Variants in DOCK3 observed in about 807,000 individuals in gnomAD.
DOCK3 encodes dedicator of cytokinesis 3.
Under a neutral mutation model 265.6 loss-of-function variants are expected in DOCK3, and 60 were observed. The observed-to-expected ratio is 0.23, with a 90% confidence interval of 0.18 to 0.28. DOCK3 has a LOEUF of 0.28. Among genes scored for constraint, DOCK3 ranks in the 10% least tolerant of loss-of-function variants. DOCK3 has a pLI of 1.00. For missense variants in DOCK3, 1,981 were observed against 2,594.3 expected, an observed-to-expected ratio of 0.76 and a Z score of 5.14; for synonymous variants, 881 against 938.0, an observed-to-expected ratio of 0.94 and a Z score of 1.11.
At chr3:50,877,328 C>T (rs2047751715) in intron 3 of DOCK3, 2 of 402,946 alleles carry the variant, frequency 5.0e-6, no homozygotes, top group Non-Finnish European at 9.9e-6. Flanking sequence ...TTTCTTGGCC[C>T]TCAGTTGAAC....
intron 1 of DOCK3, among the ~76,000 whole-genome samples, chr3:50,690,029 C>T (rs556349902): frequency 5.3e-5 from 8 of 151,814 alleles, no homozygotes; most frequent in African/African-American, 9.7e-5. Flanking sequence ...TGTCATGCTA[C>T]GAAACTGTTG....
chr3:51,296,654 T>A (rs1297815907), intron 27 of DOCK3, among the ~76,000 whole-genome samples: 1 of 151,960 alleles, frequency 6.6e-6, no homozygotes, highest in Non-Finnish European at 1.5e-5. Context: ...TTTTTTGTAT[T>A]TTTAGTAGAG....
intron 37 of DOCK3, among the ~76,000 whole-genome samples, chr3:51,340,039 C>G (rs2085136922): frequency 6.6e-6 from 1 of 152,166 alleles, no homozygotes; most frequent in Middle Eastern, 3.2e-3. Flanking sequence ...AATAAAATGA[C>G]TGGGCTGAGT....
intron 9 of DOCK3, among the ~76,000 whole-genome samples, chr3:51,135,707 T>A (rs192860073): frequency 8.5e-5 from 13 of 152,266 alleles, no homozygotes; most frequent in South Asian, 2.1e-4. Flanking sequence ...AGTACTCTTT[T>A]TTTTATTTTA....
intron 12 of DOCK3, among the ~76,000 whole-genome samples, chr3:51,199,131 G>A (rs1358665064): frequency 1.3e-5 from 2 of 152,204 alleles, no homozygotes; most frequent in Non-Finnish European, 2.9e-5. Flanking sequence ...GGTGATTTCT[G>A]CATTTCCATC....
chr3:51,026,034 T>C (rs901835690), intron 5 of DOCK3, among the ~76,000 whole-genome samples: 2 of 152,102 alleles, frequency 1.3e-5, no homozygotes, highest in African/African-American at 4.8e-5. Context: ...ATTAAGTTCC[T>C]GTGTTGGTTC....
intron 12 of DOCK3, among the ~76,000 whole-genome samples, chr3:51,197,334 G>A (rs1560193574): frequency 6.6e-6 from 1 of 152,168 alleles, no homozygotes; most frequent in Non-Finnish European, 1.5e-5. Flanking sequence ...TAGTGGCAGT[G>A]GTGGATTGCA....
At chr3:51,266,397 C>T (rs538927644) in intron 23 of DOCK3, among the ~76,000 whole-genome samples, 10 of 152,292 alleles carry the variant, frequency 6.6e-5, no homozygotes, top group African/African-American at 2.4e-4. Flanking sequence ...AGGAACAAAG[C>T]TGGAGGCATT....
chr3:51,187,832 G>A (rs4308313), intron 12 of DOCK3, among the ~76,000 whole-genome samples: 136,755 of 149,998 alleles, frequency 0.91, 62,489 homozygotes, highest in African/African-American at 0.96. Context: ...TGATTGTGAG[G>A]CCTCCCCAGC....
chr3:50,758,741 G>A (rs937925720), intron 1 of DOCK3, among the ~76,000 whole-genome samples: 2 of 152,002 alleles, frequency 1.3e-5, no homozygotes, highest in Non-Finnish European at 2.9e-5. Flanking sequence ...TGAGCACTCC[G>A]GGAACAATGT....
At chr3:51,070,284 A>C (rs2081803800) in intron 6 of DOCK3, among the ~76,000 whole-genome samples, 1 of 152,206 alleles carries the variant, frequency 6.6e-6, no homozygotes, top group Non-Finnish European at 1.5e-5. Flanking sequence ...AACAGTTATG[A>C]CTAAATTGAT....
In DOCK3 at chr3:50,864,161, A is replaced by G. The variant is rs562951924; in HGVS notation, c.162+22446A>G. ...TAATAGCTATTGTAACTAGGGTAAG[A>G]TGGATATCTCATTGTAGTTTTTATT... On this transcript the variant is annotated intron_variant, in intron 3 of 52. Coordinates refer to ENST00000266037, the MANE Select transcript of DOCK3 (RefSeq NM_004947.5). 8.4e-4 allele frequency among the ~76,000 whole-genome samples: 128 copies of G among 152,294 alleles called. 1 individual carries two copies. The highest frequency in any genetic ancestry group is 5.3e-4 in the African/African-American group (22 of 41,572).
intron 2 of DOCK3, among the ~76,000 whole-genome samples, chr3:50,819,179 T>A (rs1032718636): frequency 6.6e-6 from 1 of 152,212 alleles, no homozygotes; most frequent in Non-Finnish European, 1.5e-5. Context: ...CTTTGGCACC[T>A]GCATGTACTT....
At chr3:51,039,157 G>A (rs571955127) in intron 5 of DOCK3, among the ~76,000 whole-genome samples, 3 of 151,826 alleles carry the variant, frequency 2.0e-5, no homozygotes, top group African/African-American at 4.8e-5. Context: ...CACCACACCC[G>A]GCTAATTTTT....
At chr3:51,067,370 C>G (rs528807321) in intron 6 of DOCK3, among the ~76,000 whole-genome samples, 2 of 151,252 alleles carry the variant, frequency 1.3e-5, no homozygotes, top group South Asian at 4.2e-4. Flanking sequence ...TTATAAATAC[C>G]TGCCAGTAAA....
intron 27 of DOCK3, among the ~76,000 whole-genome samples, chr3:51,284,880 G>A (rs1346537689): frequency 6.6e-6 from 1 of 152,126 alleles, no homozygotes; most frequent in Non-Finnish European, 1.5e-5. Context: ...GCATTCCTGA[G>A]TGGCCCTAGA....
chr3:51,228,531 C>A, intron 17 of DOCK3, 130 bp from the exon 18 acceptor site: 1 of 1,003,404 alleles, frequency 1.0e-6, no homozygotes, highest in Non-Finnish European at 1.4e-6. Context: ...AGTACTCTTC[C>A]AAGAGGACCT....
intron 1 of DOCK3, among the ~76,000 whole-genome samples, chr3:50,731,306 A>G (rs148505093): frequency 6.6e-4 from 101 of 152,350 alleles, no homozygotes; most frequent in African/African-American, 2.2e-3. Context: ...GTATAATGAT[A>G]GATTCAAGTC....
intron 4 of DOCK3, among the ~76,000 whole-genome samples, chr3:50,907,361 G>A (rs903459646): frequency 2.6e-5 from 4 of 152,018 alleles, no homozygotes; most frequent in Non-Finnish European, 2.9e-5. Flanking sequence ...GGTGTTAAAA[G>A]TCTCCCATTA....
Sources: allele counts gnomAD v4.1 joint callset (sites outside exome capture counted in the v4.1 genomes callset), GRCh38; gene constraint gnomAD v4.1.1; transcripts MANE v1.5; gene names NCBI Gene and HGNC (gene_info 2026-07-23, HGNC 2026-07-21).